The following PTPN12 variants were observed in gnomAD, a reference collection of about 807,000 sequenced individuals.
PTPN12 encodes tyrosine-protein phosphatase non-receptor type 12.
PTPN12 carries 29 observed loss-of-function variants against 97.6 expected under a neutral mutation model. The ratio of observed to expected loss-of-function variants is 0.30; its 90% CI spans 0.22 to 0.41. The LOEUF (loss-of-function observed/expected upper bound fraction) is 0.41. Ranked by LOEUF, PTPN12 falls within the 10% of genes least tolerant of loss-of-function variation. The pLI, the probability that PTPN12 is intolerant of heterozygous loss-of-function variation, is 1.00. For missense variants in PTPN12, 819 were observed against 926.0 expected (o/e 0.88, Z 1.50); for synonymous variants, 327 against 300.4 (o/e 1.09, Z -0.91).
intron 1 of PTPN12, among the ~76,000 whole-genome samples, chr7:77,560,336 AAAC>A (rs1242811188): frequency 2.6e-5 from 4 of 152,212 alleles, no homozygotes; most frequent in African/African-American, 9.6e-5. Flanking sequence ...AATTCTGTAC[AAAC>A]AACTACTAAG....
chr7:77,549,935 A>G (rs1807406690), intron 1 of PTPN12, among the ~76,000 whole-genome samples: 1 of 152,190 alleles, frequency 6.6e-6, no homozygotes, highest in African/African-American at 2.4e-5. Flanking sequence ...ATCATATGTC[A>G]GAAATATATC....
chr7:77,632,680 G>A (rs1789444196), intron 14 of PTPN12, among the ~76,000 whole-genome samples: 1 of 152,114 alleles, frequency 6.6e-6, no homozygotes, highest in South Asian at 2.1e-4. Flanking sequence ...TTATAGGCTG[G>A]GCATGGTGGT....
rs1426946877 is a variant in PTPN12 at position 77,590,562 on chromosome 7, T to G, written c.421-1623T>G. On this transcript the variant is annotated intron_variant, in intron 5 of 17. Transcript: ENST00000248594. ...CCCATCTCTATTTTTTTTAAATCTT[T>G]TTTTTTTTTTTGTGGGGAGAGACAG... is the stretch of plus-strand genomic sequence containing the variant. 8.4e-3 allele frequency among the ~76,000 whole-genome samples: 1,259 copies of G among 150,554 alleles called. 22 individuals are homozygous for G. The highest frequency in any genetic ancestry group is 0.029 in the African/African-American group (1,215 of 41,196).
chr7:77,600,779 A>C lies in PTPN12; in HGVS notation c.668A>C (p.Glu223Ala). ...TTAATGAGGAAATATCAAGAACATG[A>C]AGATGTTCCTATTTGTATTCATTGC... Reference protein sequence around the residue: ...ISLMRKYQEHEDVPICIHCSA... With the variant: ...ISLMRKYQEHADVPICIHCSA... The change falls in exon 8 of 18, where the codon GAA becomes GCA. Residue 223 changes from glutamate to alanine, a missense_variant. Glu to Ala is a moderately radical substitution (Grantham distance 107). Transcript: ENST00000248594. 1 of 1,604,280 alleles carries C rather than the reference A, an allele frequency of 6.2e-7. No individual in the cohort carries two copies. The highest frequency in any genetic ancestry group is 2.2e-5 in the East Asian group (1 of 44,788).
Position 77,625,468 on chromosome 7 carries a change from G to GCGCC in PTPN12, c.1026-1236_1026-1235insGCCC, listed in dbSNP as rs1218191468. ...AGGGTTTTGCCATATTGCCCAGGCT[G>GCGCC]CTCGCTCTCTCTCTCTCTCTCTCTC... On this transcript the variant is annotated intron_variant, in intron 12 of 17. Coordinates refer to ENST00000248594, the MANE Select transcript of PTPN12 (RefSeq NM_002835.4). Among the ~76,000 whole-genome samples the GCGCC allele has an allele frequency of 1.2e-4, 3 of 24,758 alleles. No individual in the cohort carries two copies. In the East Asian group the frequency reaches 5.4e-3, roughly 45 times the overall value. The allele number at this position is 24,758 out of a possible 152,430, so 16.2% of individuals were successfully genotyped here. A position where few individuals can be genotyped will look rare whatever the true frequency, so the allele number is the denominator to read the frequency against.
At chr7:77,545,450 C>T (rs1401283311) in intron 1 of PTPN12, among the ~76,000 whole-genome samples, 1 of 152,030 alleles carries the variant, frequency 6.6e-6, no homozygotes, top group Non-Finnish European at 1.5e-5. Flanking sequence ...ATGACCATTA[C>T]AATTATTGGA....
rs761014478 is a variant in PTPN12, at chr7:77,571,133, C to T, written c.155C>T (p.Thr52Ile). The change falls in exon 2 of 18, where the codon ACT (threonine) becomes ATT (isoleucine). Residue 52 changes from threonine (T) to isoleucine (I), a missense_variant. Transcript: ENST00000248594. ...ACAGAAAAGATATATCCCACAGCCA[C>T]TGGAGAAAAAGAAGAAAATGTTAAA... ...YRTEKIYPTA[T>I]GEKEENVKKN... is the part of the protein sequence containing the mutation. The T allele has an allele frequency of 4.4e-6, 7 of 1,604,450 alleles. No homozygotes were observed. The South Asian group carries it at 5.6e-5, about 13-fold the overall frequency.
At chr7:77,564,371 C>A (rs920162639) in intron 1 of PTPN12, among the ~76,000 whole-genome samples, 1 of 152,008 alleles carries the variant, frequency 6.6e-6, no homozygotes, top group East Asian at 1.9e-4. Context: ...TAAATTAATA[C>A]TATTAAGATG....
rs1322273765 is a variant in PTPN12 at position 77,627,356 on chromosome 7, C to G, written c.1677C>G (p.Asn559Lys). The G allele has an allele frequency of 1.9e-6, 3 of 1,613,944 alleles. No individual in the cohort carries two copies. The highest frequency in any genetic ancestry group is 2.5e-6 in the Non-Finnish European group (3 of 1,179,946). Residue 559 changes from asparagine (N) to lysine (K), a missense_variant, in exon 13 of 18, where the codon AAC (asparagine) becomes AAG (lysine). By Grantham distance (94) the Asn-to-Lys change is moderately conservative (BLOSUM62 0). Around this residue, in one of 5 missense-constraint regions of PTPN12, gnomAD observed 607 missense variants for 577.3 expected, o/e 1.05. Coordinates refer to ENST00000248594, the MANE Select transcript of PTPN12 (RefSeq NM_002835.4). The stretch of plus-strand genomic sequence containing the variant: ...CTGAAGGCAATTCCTCAGATATCAA[C>G]TATCAAACTAGGAAAACTGTGAGTT... The part of the protein sequence containing the change: ...DLSEGNSSDI[N>K]YQTRKTVSLT...
chr7:77,574,324 A>C (rs1206930114), intron 2 of PTPN12, among the ~76,000 whole-genome samples: 1 of 152,148 alleles, frequency 6.6e-6, no homozygotes, highest in Non-Finnish European at 1.5e-5. Context: ...TTGTTTGCTG[A>C]TTTCTGTGAT....
At chr7:77,625,659 T>G (rs1789152934) in intron 12 of PTPN12, among the ~76,000 whole-genome samples, 1 of 127,086 alleles carries the variant, frequency 7.9e-6, no homozygotes, top group Admixed American at 1.0e-4. Context: ...CATCTCCACC[T>G]CCTGGGCTCA....
At chr7:77,549,811 C>T (rs1807401050) in intron 1 of PTPN12, among the ~76,000 whole-genome samples, 1 of 151,948 alleles carries the variant, frequency 6.6e-6, no homozygotes, top group African/African-American at 2.4e-5. Flanking sequence ...AGACTCCTGG[C>T]CTAAAGCAAT....
At chr7:77,625,562 TCTC>T (rs1440344050) in intron 12 of PTPN12, among the ~76,000 whole-genome samples, 4 of 60,332 alleles carry the variant, frequency 6.6e-5, no homozygotes, top group African/African-American at 2.2e-4. Context: ...TCGCTCTCTC[TCTC>T]TTTTTTTTTT....
rs965385465 is a variant in PTPN12 at position 77,562,867 on chromosome 7, G to A, written c.100-8211G>A. Among the ~76,000 whole-genome samples the A allele has an allele frequency of 2.0e-5, 3 of 150,938 alleles. No individual in the cohort carries two copies. The East Asian group carries it at 5.8e-4, about 29-fold the overall frequency. On this transcript the variant is annotated intron_variant, in intron 1 of 17. Transcript: ENST00000248594. The stretch of plus-strand genomic sequence containing the variant: ...TCCATAAAAATATACTTTCAGGATA[G>A]GGAAAGGGTAAACTTGCATTATAAG...
At chr7:77,559,717 G>C (rs1425886543) in intron 1 of PTPN12, among the ~76,000 whole-genome samples, 1 of 152,074 alleles carries the variant, frequency 6.6e-6, no homozygotes, top group East Asian at 1.9e-4. Flanking sequence ...GTGAAAATAG[G>C]GTGCCAATTC....
chr7:77,580,122 A>G (rs757679301), intron 2 of PTPN12, among the ~76,000 whole-genome samples: 10 of 152,238 alleles, frequency 6.6e-5, no homozygotes, highest in Non-Finnish European at 1.5e-4. Flanking sequence ...TAAATAAAGA[A>G]TGAAACATTC....
At chr7:77,638,013 A>G (rs1435905976) in intron 16 of PTPN12, among the ~76,000 whole-genome samples, 2 of 111,454 alleles carry the variant, frequency 1.8e-5, no homozygotes, top group Admixed American at 1.4e-4. Context: ...GCTGGAGTGC[A>G]GTGGCGCGAT....
chr7:77,623,663 G>C (rs1320397679), intron 12 of PTPN12, among the ~76,000 whole-genome samples: 1 of 152,182 alleles, frequency 6.6e-6, no homozygotes, highest in Non-Finnish European at 1.5e-5. Flanking sequence ...GCAGTAAGCT[G>C]AGATTGCACC....
chr7:77,612,194 C>T (rs1436280393), intron 11 of PTPN12, among the ~76,000 whole-genome samples: 1 of 152,092 alleles, frequency 6.6e-6, no homozygotes, highest in African/African-American at 2.4e-5. Context: ...ATGCTGATCT[C>T]AGTTTGTTAG....
Sources: allele counts gnomAD v4.1 joint callset (sites outside exome capture counted in the v4.1 genomes callset), GRCh38; gene constraint gnomAD v4.1.1; regional missense constraint gnomAD v4.1.1; transcripts MANE v1.5; gene names NCBI Gene and HGNC (gene_info 2026-07-23, HGNC 2026-07-21).